Variants in ADPRHL1 observed in about 807,000 individuals in gnomAD.
The protein encoded by ADPRHL1 is ADP-ribosylhydrolase like 1.
Under a neutral mutation model 44.1 loss-of-function variants are expected in ADPRHL1, and 43 were observed. The ratio of observed to expected loss-of-function variants is 0.98; its 90% CI spans 0.76 to 1.26. The LOEUF is 1.26. Ranked by LOEUF, ADPRHL1 falls within the 50% of genes most tolerant of loss-of-function variation. The probability of loss-of-function intolerance (pLI) is 0.00; values close to 1 mark genes in which losing one functional copy is unlikely to be tolerated. For missense variants in ADPRHL1, 2,022 were observed against 2,496.9 expected, an observed-to-expected ratio of 0.81 and a Z score of 4.05; for synonymous variants, 878 against 1,017.4, an observed-to-expected ratio of 0.86 and a Z score of 2.61.
intron 7 of ADPRHL1, among the ~76,000 whole-genome samples, chr13:113,418,084 G>A (rs1243176773): frequency 2.6e-5 from 4 of 152,196 alleles, no homozygotes; most frequent in South Asian, 4.1e-4. Flanking sequence ...CCAGAATTAG[G>A]GGAAGGGGAG....
In ADPRHL1 at chr13:113,410,116, C is replaced by T. The variant is rs550380551; in HGVS notation, c.1062-1896G>A. On this transcript the variant is annotated intron_variant, in intron 7 of 7. Coordinates refer to ENST00000612156, the MANE Select transcript of ADPRHL1 (RefSeq NM_001394807.1). ...CCACGTAGCCGTGTTGCCGTGGGCA[C>T]GCGATGACCCAGGGCCAGGACGGAC... The T allele has an allele frequency of 1.2e-4, 115 of 985,372 alleles. No individual in the cohort carries two copies. In the African/African-American group the frequency reaches 1.6e-3, roughly 14 times the overall value. 61.0% of individuals were successfully genotyped at this position (985,372 alleles called of 1,614,324 possible).
intron 1 of ADPRHL1, among the ~76,000 whole-genome samples, chr13:113,451,610 C>T (rs1465755970): frequency 1.3e-5 from 2 of 152,108 alleles, no homozygotes; most frequent in Non-Finnish European, 2.9e-5. Context: ...GAGTTCGAGA[C>T]CAGCCTGGAC....
At chr13:113,410,137 C>T (rs1238740719) in intron 7 of ADPRHL1, 16 of 985,256 alleles carry the variant, frequency 1.6e-5, no homozygotes, top group Admixed American at 6.1e-5. Flanking sequence ...AGGGCCAGGA[C>T]GGACCCCACA....
intron 4 of ADPRHL1, among the ~76,000 whole-genome samples, chr13:113,425,401 T>G (rs1173050498): frequency 1.3e-5 from 2 of 152,196 alleles, no homozygotes; most frequent in Non-Finnish European, 2.9e-5. Flanking sequence ...GTAGCTGCTT[T>G]CTTTCTTTCT....
At position 113,422,870 on chromosome 13, in the gene ADPRHL1, C is replaced by T. The variant is rs1595543728; in HGVS notation, c.1017G>A (p.Leu339=). 1 of 1,612,966 alleles carries T rather than the reference C, an allele frequency of 6.2e-7. No homozygotes were observed. The change falls in exon 7 of 8, where the codon CTG becomes CTA. Residue 339 remains leucine (L), a synonymous_variant. Coordinates refer to ENST00000612156, the MANE Select transcript of ADPRHL1 (RefSeq NM_001394807.1). ...GGTAGAGAGCCGCGCCCAGGTCCTC[C>T]AGCTTCTCCTTGTCCTCCAGGTCCT... ...LYQDLEDKEK[L]EDLGAALYRL...
rs1029664251 is a variant in ADPRHL1 at position 113,400,974 on chromosome 13, C to T, written c.*2404G>A. On this transcript the variant is annotated 3_prime_UTR_variant, in exon 8 of 8. Coordinates refer to ENST00000612156, the MANE Select transcript of ADPRHL1 (RefSeq NM_001394807.1). ...TCTCTGGTCTATTTAAAAATAGCAG[C>T]GCAAGTCCCACCACTTCTTATTTAT... The T allele has an allele frequency of 2.0e-5, 3 of 152,218 alleles. No individual in the cohort carries two copies. The highest frequency in any genetic ancestry group is 6.5e-5 in the Admixed American group (1 of 15,288). The allele number at this position is 152,218 out of a possible 1,614,324, so 9.4% of individuals were successfully genotyped here. A position where few individuals can be genotyped will look rare whatever the true frequency, so the allele number is the denominator to read the frequency against.
chr13:113,429,165 C>G, intron 3 of ADPRHL1, 73 bp from the exon 4 acceptor site: 1 of 1,542,288 alleles, frequency 6.5e-7, no homozygotes, highest in African/African-American at 1.4e-5. Flanking sequence ...GCCCGCCACG[C>G]TGCGTGGGAC....
Position 113,425,205 on chromosome 13 carries a change from G to A in ADPRHL1, c.647-26C>T, listed in dbSNP as rs199793609. 25 of 1,306,210 alleles carry A rather than the reference G, an allele frequency of 1.9e-5. No individual in the cohort carries two copies. The Admixed American group carries it at 2.1e-4, about 11-fold the overall frequency. 80.9% of individuals were successfully genotyped at this position (1,306,210 alleles called of 1,614,324 possible). Reference sequence around the variant, plus strand: ...CTAAACATAAAGAACAAGGGGAGCTGAACACAATGGCATCCATGGAGTGGG... The same window carrying A: ...CTAAACATAAAGAACAAGGGGAGCTAAACACAATGGCATCCATGGAGTGGG... On this transcript the variant is annotated intron_variant, in intron 4 of 7. Coordinates refer to ENST00000612156, the MANE Select transcript of ADPRHL1 (RefSeq NM_001394807.1).
rs1026798131 is a variant in ADPRHL1, at chr13:113,407,712, C to T, written c.1570G>A (p.Glu524Lys). The stretch of plus-strand genomic sequence containing the variant: ...TTGGGCCGCTCCACAGGGGGCTTCT[C>T]GCGTGCTTCTTTCTCCTTCGCCTCC... ...EKEAKEKEAREKPPVERPKAA... is the reference protein window; with the variant it reads ...EKEAKEKEARKKPPVERPKAA... The change falls in exon 8 of 8, where the codon GAG (glutamate) becomes AAG (lysine). Residue 524 changes from glutamate (E) to lysine (K), a missense_variant. Transcript: ENST00000612156. 3.2e-5 allele frequency: 39 copies of T among 1,231,994 alleles called. No homozygotes were observed. Among genetic ancestry groups the T allele is most frequent in the Admixed American group, 1.7e-4 (4 of 23,712 alleles). 76.3% of individuals were successfully genotyped at this position (1,231,994 alleles called of 1,614,324 possible). A position where few individuals can be genotyped will look rare whatever the true frequency, so the allele number is the denominator to read the frequency against.
Position 113,433,702 on chromosome 13 carries a change from C to A in ADPRHL1, c.505+40G>T, listed in dbSNP as rs372268214. 28 of 1,552,606 alleles carry A rather than the reference C, an allele frequency of 1.8e-5. No individual in the cohort carries two copies. The African/African-American group carries it at 3.7e-4, about 21-fold the overall frequency. On this transcript the variant is annotated intron_variant, in intron 3 of 7. Transcript: ENST00000612156. ...GGTGGTTGTGGGTCATCCGGCCGCA[C>A]TCCACGCTGACCTCCCTCCCACCCC...
In ADPRHL1 at chr13:113,433,787, C is replaced by T. The variant is rs147716487; in HGVS notation, c.460G>A (p.Glu154Lys). 1.4e-5 allele frequency: 22 copies of T among 1,593,048 alleles called. No homozygotes were observed. The highest frequency in any genetic ancestry group is 2.3e-5 in the East Asian group (1 of 43,498). Reference protein sequence around the residue: ...WKPERLETLIEVSVECGRMTH... With the variant: ...WKPERLETLIKVSVECGRMTH... ...ATCCGGCCGCACTCCACGCTGACCTCGATGAGGGTCTCCAGCCGCTCAGGC... is the reference window on the plus strand; with the variant it reads ...ATCCGGCCGCACTCCACGCTGACCTTGATGAGGGTCTCCAGCCGCTCAGGC... Residue 154 changes from glutamate (E) to lysine (K), a missense_variant, in exon 3 of 8, where the codon GAG (glutamate) becomes AAG (lysine). Transcript: ENST00000612156.
rs535869051 is a variant in ADPRHL1, at chr13:113,425,310, G to C, written c.647-131C>G. On this transcript the variant is annotated intron_variant, in intron 4 of 7. Coordinates refer to ENST00000612156, the MANE Select transcript of ADPRHL1 (RefSeq NM_001394807.1). Reference sequence around the variant, plus strand: ...GTGGCAATGCCCCCTCTACCCAGCTGCAGGCATGTGGAGAAGCCGAGCACC... The same window carrying C: ...GTGGCAATGCCCCCTCTACCCAGCTCCAGGCATGTGGAGAAGCCGAGCACC... 63 of 897,760 alleles carry C rather than the reference G, an allele frequency of 7.0e-5. 1 individual carries two copies. In the South Asian group the frequency reaches 8.5e-4, roughly 12 times the overall value. 55.6% of individuals were successfully genotyped at this position (897,760 alleles called of 1,614,324 possible).
At position 113,403,958 on chromosome 13, in the gene ADPRHL1, C is replaced by T. The variant is rs918824847; in HGVS notation, c.5324G>A (p.Arg1775Gln). The change falls in exon 8 of 8, where the codon CGG becomes CAG. Residue 1775 changes from arginine (R) to glutamine (Q), a missense_variant. Around this residue, in one of 8 missense-constraint regions of ADPRHL1, gnomAD observed 205 missense variants for 250.1 expected, o/e 0.82. Transcript: ENST00000612156. ...QKGAQEWARDRARDQGWEQTQ... is the reference protein window; with the variant it reads ...QKGAQEWARDQARDQGWEQTQ... ...CTGCTCCCAGCCCTGATCCCGAGCC[C>T]GATCCCGAGCCCATTCCTGAGCCCC... 34 of 1,268,122 alleles carry T rather than the reference C, an allele frequency of 2.7e-5. No homozygotes were observed. Among genetic ancestry groups the T allele is most frequent in the Middle Eastern group, 3.0e-4 (1 of 3,330 alleles). 78.6% of individuals were successfully genotyped at this position (1,268,122 alleles called of 1,614,324 possible).
chr13:113,435,432 C>A (rs1162264503), intron 2 of ADPRHL1, among the ~76,000 whole-genome samples: 9 of 132,810 alleles, frequency 6.8e-5, no homozygotes, highest in African/African-American at 2.7e-4. Context: ...TACCCCGGGA[C>A]CCAGCACCCA....
intron 3 of ADPRHL1, among the ~76,000 whole-genome samples, chr13:113,433,410 GTTTCTTCAACATCAC>G (rs2044021167): frequency 6.6e-6 from 1 of 152,222 alleles, no homozygotes; most frequent in African/African-American, 2.4e-5. Context: ...CCCTTGCACA[GTTTCTTCAACATCAC>G]CGTGCTTATC....
chr13:113,443,886 T>C (rs564611427), intron 2 of ADPRHL1, among the ~76,000 whole-genome samples: 95 of 149,970 alleles, frequency 6.3e-4, no homozygotes, highest in African/African-American at 2.3e-3. Flanking sequence ...GAGGTTGCAG[T>C]GACCCAAGAT....
In ADPRHL1 at chr13:113,408,056, C is replaced by T; in HGVS notation, c.1226G>A (p.Gly409Glu). The stretch of plus-strand genomic sequence containing the variant: ...GGGCTGGTGGCTGGGCCTGCTCCCC[C>T]CGGCCTCTGTCCCCGGGGGCCGGTC... Reference protein sequence around the residue: ...RADRPPGTEAGGSRPSHQPQT... With the variant: ...RADRPPGTEAEGSRPSHQPQT... The change falls in exon 8 of 8, where the codon GGG becomes GAG. Residue 409 changes from glycine to glutamate, a missense_variant. Transcript: ENST00000612156. 1.5e-5 allele frequency: 19 copies of T among 1,232,248 alleles called. No individual in the cohort carries two copies. The highest frequency in any genetic ancestry group is 1.9e-5 in the Non-Finnish European group (19 of 988,132). The allele number at this position is 1,232,248 out of a possible 1,614,324, so 76.3% of individuals were successfully genotyped here. A position where few individuals can be genotyped will look rare whatever the true frequency, so the allele number is the denominator to read the frequency against.
Position 113,409,940 on chromosome 13 carries a change from G to GAAGGAAAT in ADPRHL1, c.1062-1728_1062-1721dup. 1 of 983,986 alleles carries GAAGGAAAT rather than the reference G, an allele frequency of 1.0e-6. No individual in the cohort carries two copies. Among genetic ancestry groups the GAAGGAAAT allele is most frequent in the Non-Finnish European group, 1.2e-6 (1 of 829,150 alleles). The allele number at this position is 983,986 out of a possible 1,614,324, so 61.0% of individuals were successfully genotyped here. On this transcript the variant is annotated intron_variant, in intron 7 of 7. Coordinates refer to ENST00000612156, the MANE Select transcript of ADPRHL1 (RefSeq NM_001394807.1). The surrounding 1 kb of genome is among the most constrained non-coding windows in gnomAD (Gnocchi z 4.2). ...AGCTGAGCAGGCTGAAAAGAGACCG[G>GAAGGAAAT]AAGGAAATGTGTGAACATACTTCTC...
intron 7 of ADPRHL1, among the ~76,000 whole-genome samples, chr13:113,416,962 C>T (rs1021829585): frequency 5.9e-5 from 9 of 152,206 alleles, no homozygotes; most frequent in South Asian, 4.1e-4. Context: ...AAAATATTAA[C>T]GGCTGCTGAT....
Sources: gnomAD v4.1 joint callset for allele counts (sites outside exome capture counted in the v4.1 genomes callset) on GRCh38, gnomAD v4.1.1 for gene constraint, gnomAD v4.1.1 regional missense constraint, Gnocchi (gnomAD v3.1) non-coding constraint, MANE v1.5 for transcripts, NCBI Gene and HGNC (gene_info 2026-07-23, HGNC 2026-07-21) for gene names.